The following ZFP90 variants were observed in gnomAD, a reference collection of about 807,000 sequenced individuals.
ZFP90 encodes the protein ZFP90 zinc finger protein, also known as zinc finger protein 90 homolog.
A neutral mutation model predicts 60.8 loss-of-function variants in ZFP90; 38 were observed. The ratio of observed to expected loss-of-function variants is 0.62; its 90% CI spans 0.48 to 0.82. The LOEUF (loss-of-function observed/expected upper bound fraction) is 0.82, where lower values mean the gene tolerates loss of function less well. Among genes scored for constraint, ZFP90 ranks in the 40% least tolerant of loss-of-function variants. The pLI, the probability that ZFP90 is intolerant of heterozygous loss-of-function variation, is 0.00. For missense variants in ZFP90, 711 were observed against 759.1 expected (o/e 0.94, Z 0.74); for synonymous variants, 287 against 264.8 (o/e 1.08, Z -0.82).
chr16:68,541,096 C>T (rs976217724), intron 2 of ZFP90, among the ~76,000 whole-genome samples: 3 of 151,706 alleles, frequency 2.0e-5, no homozygotes, highest in Non-Finnish European at 2.9e-5. Flanking sequence ...AGTGTAGTGG[C>T]ATGATCTCGG....
chr16:68,541,482 A>G (rs1172704681), intron 2 of ZFP90, among the ~76,000 whole-genome samples: 2 of 151,592 alleles, frequency 1.3e-5, no homozygotes, highest in Admixed American at 1.3e-4. Flanking sequence ...CACCATGCCC[A>G]GCTAATTTTT....
chr16:68,568,084 T>C (rs1403397116), downstream of ZFP90, among the ~76,000 whole-genome samples: 1 of 152,238 alleles, frequency 6.6e-6, no homozygotes, highest in Non-Finnish European at 1.5e-5. Context: ...GGATTACTGT[T>C]AATGTCCTCC....
chr16:68,539,887 G>A lies in ZFP90; in HGVS notation c.33+62G>A, dbSNP rs370129644. On this transcript the variant is annotated intron_variant, in intron 2 of 4. Transcript: ENST00000563169. ...CCATCTATCCATCCCATCTCCCAAG[G>A]GTGTTTGGAGCAGTCATTGTTCTCT... is the stretch of plus-strand genomic sequence containing the variant. The A allele has an allele frequency of 5.4e-4, 852 of 1,570,506 alleles. 16 individuals are homozygous for A. The South Asian group carries it at 9.2e-3, about 17-fold the overall frequency.
chr16:68,535,611 A>G (rs1024960134), upstream of ZFP90: 4 of 152,250 alleles, frequency 2.6e-5, no homozygotes, highest in East Asian at 3.9e-4. Context: ...TAATGACTTG[A>G]GCTATACTAG....
chr16:68,558,398 TA>T, intron 3 of ZFP90, 74 bp from the exon 4 acceptor site: 1 of 1,375,516 alleles, frequency 7.3e-7, no homozygotes, highest in Non-Finnish European at 1.0e-6. Context: ...CAAGGACTAG[TA>T]CTGACTTGTC....
Position 68,563,588 on chromosome 16 carries a change from A to G in ZFP90, c.801A>G (p.Thr267=), listed in dbSNP as rs747866030. The change falls in exon 5 of 5, where the codon ACA becomes ACG. Residue 267 remains threonine (T), a synonymous_variant. Transcript: ENST00000563169. The part of the protein sequence containing the change: ...TDCGKTFLWK[T]QLTEHQRIHT... Reference sequence around the variant, plus strand: ...GTGGGAAAACCTTTCTCTGGAAGACACAGCTTACTGAGCATCAGAGAATTC... The same window carrying G: ...GTGGGAAAACCTTTCTCTGGAAGACGCAGCTTACTGAGCATCAGAGAATTC... 8.1e-6 allele frequency: 13 copies of G among 1,614,098 alleles called. No homozygotes were observed. Among genetic ancestry groups the G allele is most frequent in the African/African-American group, 1.3e-5 (1 of 74,950 alleles).
chr16:68,561,744 T>C (rs1053144711), intron 4 of ZFP90, among the ~76,000 whole-genome samples: 1 of 152,178 alleles, frequency 6.6e-6, no homozygotes, highest in African/African-American at 2.4e-5. Flanking sequence ...TCCACAAGCA[T>C]TTTTTGCATG....
chr16:68,559,638 G>T (rs975740594), intron 4 of ZFP90, among the ~76,000 whole-genome samples: 1 of 151,928 alleles, frequency 6.6e-6, no homozygotes, highest in African/African-American at 2.4e-5. Flanking sequence ...TGTGATCTCG[G>T]CTCACTGCAG....
chr16:68,549,908 CAAAG>C (rs1024547377), intron 2 of ZFP90, among the ~76,000 whole-genome samples: 2 of 151,948 alleles, frequency 1.3e-5, no homozygotes, highest in Non-Finnish European at 2.9e-5. Flanking sequence ...TGTATAAAGG[CAAAG>C]AAACACAAAA....
intron 2 of ZFP90, among the ~76,000 whole-genome samples, chr16:68,541,156 C>G (rs1368765238): frequency 6.6e-6 from 1 of 152,114 alleles, no homozygotes; most frequent in Non-Finnish European, 1.5e-5. Flanking sequence ...CTGCCTCAAC[C>G]TCCCTAGTAG....
At chr16:68,540,685 C>G (rs543002571) in intron 2 of ZFP90, among the ~76,000 whole-genome samples, 76 of 151,678 alleles carry the variant, frequency 5.0e-4, no homozygotes, top group Middle Eastern at 6.8e-3. Flanking sequence ...ATAAAAATAC[C>G]AAGTTGCCAG....
chr16:68,545,306 C>G (rs1254584455), intron 2 of ZFP90, among the ~76,000 whole-genome samples: 2 of 152,078 alleles, frequency 1.3e-5, no homozygotes, highest in African/African-American at 2.4e-5. Context: ...CTTGCCCAGA[C>G]TAAACACGAG....
Position 68,566,122 on chromosome 16 carries a change from GACAC to G in ZFP90, c.*1432_*1435del, listed in dbSNP as rs36048265. On this transcript the variant is annotated 3_prime_UTR_variant, in exon 5 of 5. Coordinates refer to ENST00000563169, the MANE Select transcript of ZFP90 (RefSeq NM_001305203.2). ...CATTCCAGCCTGAGCAACAGAGCAA[GACAC>G]ACACACATCAATTTATTTTAGTTGT... 2.1e-6 allele frequency: 2 copies of G among 971,412 alleles called. No individual in the cohort carries two copies. Among genetic ancestry groups the G allele is most frequent in the Admixed American group, 6.2e-5 (1 of 16,168 alleles). 60.2% of individuals were successfully genotyped at this position (971,412 alleles called of 1,614,324 possible). A position where few individuals can be genotyped will look rare whatever the true frequency, so the allele number is the denominator to read the frequency against.
chr16:68,563,332 C>T lies in ZFP90; in HGVS notation c.545C>T (p.Pro182Leu). 3 of 1,614,126 alleles carry T rather than the reference C, an allele frequency of 1.9e-6. No individual in the cohort carries two copies. The highest frequency in any genetic ancestry group is 2.5e-6 in the Non-Finnish European group (3 of 1,180,008). The change falls in exon 5 of 5, where the codon CCT becomes CTT. Residue 182 changes from proline to leucine, a missense_variant. Physicochemically the swap from Pro to Leu is moderately conservative, Grantham distance 98. Around this residue, in one of 5 missense-constraint regions of ZFP90, gnomAD observed 241 missense variants for 247.6 expected, o/e 0.97. Transcript: ENST00000563169. ...CTGAACATTCCTGCAAGAATAAGGC[C>T]TAGTGAATGTGAGACCCTTGGAAGC... ...TQLNIPARIR[P>L]SECETLGSNL...
rs71148911 is a variant in ZFP90 at position 68,544,864 on chromosome 16, C to CTTTT, written c.33+5073_33+5076dup. On this transcript the variant is annotated intron_variant, in intron 2 of 4. Coordinates refer to ENST00000563169, the MANE Select transcript of ZFP90 (RefSeq NM_001305203.2). Reference sequence around the variant, plus strand: ...GTGTGCCCATAGCACCTGTGAACACCTTTTTTTTTTTTTTTTTTTTTTTTT... The same window carrying CTTTT: ...GTGTGCCCATAGCACCTGTGAACACCTTTTTTTTTTTTTTTTTTTTTTTTTTTTT... 9.0e-5 allele frequency among the ~76,000 whole-genome samples: 6 copies of CTTTT among 66,564 alleles called. 1 individual carries two copies. The highest frequency in any genetic ancestry group is 1.6e-4 in the Non-Finnish European group (6 of 36,938). The allele number at this position is 66,564 out of a possible 152,430, so 43.7% of individuals were successfully genotyped here.
chr16:68,571,480 TTTC>T (rs1776674193), downstream of ZFP90, among the ~76,000 whole-genome samples: 1 of 152,226 alleles, frequency 6.6e-6, no homozygotes, highest in African/African-American at 2.4e-5. Context: ...TGGCCTCCTT[TTTC>T]TTATCTGATT....
intron 2 of ZFP90, among the ~76,000 whole-genome samples, chr16:68,551,193 C>T (rs2091254653): frequency 6.6e-6 from 1 of 152,112 alleles, no homozygotes; most frequent in Non-Finnish European, 1.5e-5. Flanking sequence ...CTCTTTATTT[C>T]TGTAGTTCAG....
chr16:68,576,273 T>A (rs142994025), downstream of ZFP90, among the ~76,000 whole-genome samples: 1 of 152,176 alleles, frequency 6.6e-6, no homozygotes, highest in Admixed American at 6.5e-5. Flanking sequence ...ACAAGACTTA[T>A]CTTTATTTGA....
chr16:68,565,809 AAAG>A lies in ZFP90; in HGVS notation c.*1114_*1116del, dbSNP rs778633445. 2.0e-4 allele frequency: 193 copies of A among 985,490 alleles called. No individual in the cohort carries two copies. Among genetic ancestry groups the A allele is most frequent in the Non-Finnish European group, 1.6e-4 (133 of 829,934 alleles). The allele number at this position is 985,490 out of a possible 1,614,324, so 61.0% of individuals were successfully genotyped here. A position where few individuals can be genotyped will look rare whatever the true frequency, so the allele number is the denominator to read the frequency against. ...ACATGCACTGGCTCATTTTATGTGCAAAGAAAAGATTTCACCATTAAAAAAATT... is the reference window on the plus strand; with the variant it reads ...ACATGCACTGGCTCATTTTATGTGCAAAAAGATTTCACCATTAAAAAAATT... On this transcript the variant is annotated 3_prime_UTR_variant, in exon 5 of 5. Coordinates refer to ENST00000563169, the MANE Select transcript of ZFP90 (RefSeq NM_001305203.2).
Sources: allele counts gnomAD v4.1 joint callset (sites outside exome capture counted in the v4.1 genomes callset), GRCh38; gene constraint gnomAD v4.1.1; regional missense constraint gnomAD v4.1.1; transcripts MANE v1.5; gene names NCBI Gene and HGNC (gene_info 2026-07-23, HGNC 2026-07-21).